The following PHKG1 variants were observed in gnomAD, a reference collection of about 807,000 sequenced individuals.
PHKG1 encodes the protein phosphorylase b kinase gamma catalytic chain, skeletal muscle/heart isoform.
In PHKG1, 48 loss-of-function variants were observed where a neutral mutation model predicts 50.5. The ratio of observed to expected loss-of-function variants is 0.95; its 90% CI spans 0.75 to 1.21. PHKG1 has a LOEUF of 1.21. PHKG1 is among the 50% of genes most tolerant of loss of function. The probability of loss-of-function intolerance (pLI) is 0.00; values close to 1 mark genes in which losing one functional copy is unlikely to be tolerated. For missense variants in PHKG1, 487 were observed against 519.5 expected, an observed-to-expected ratio of 0.94 and a Z score of 0.61; for synonymous variants, 204 against 212.8, an observed-to-expected ratio of 0.96 and a Z score of 0.36.
At chr7:56,085,672 A>C (rs1796220677) in intron 4 of PHKG1, among the ~76,000 whole-genome samples, 1 of 152,124 alleles carries the variant, frequency 6.6e-6, no homozygotes, top group Non-Finnish European at 1.5e-5. Flanking sequence ...GATCTTTTCA[A>C]AAGGAAGTCA....
rs1796321465 is a variant in PHKG1 at position 56,087,716 on chromosome 7, C to T, written c.144G>A (p.Val48=). Residue 48 remains valine, a synonymous_variant, in exon 3 of 10, where the codon GTG becomes GTA. Transcript: ENST00000297373. The part of the protein sequence containing the change: ...IHKPTSQEYA[V]KVIDVTGGGS... Reference sequence around the variant, plus strand: ...CTCCACCGGTGACGTCGATGACCTTCACGGCGTACTCCTGGCTCGTGGGCT... The same window carrying T: ...CTCCACCGGTGACGTCGATGACCTTTACGGCGTACTCCTGGCTCGTGGGCT... The T allele has an allele frequency of 6.2e-7, 1 of 1,613,896 alleles. No homozygotes were observed. Among genetic ancestry groups the T allele is most frequent in the Non-Finnish European group, 8.5e-7 (1 of 1,180,032 alleles).
In PHKG1 at chr7:56,080,709, G is replaced by T. The variant is rs1197381655; in HGVS notation, c.*345C>A. The T allele has an allele frequency of 9.2e-6, 3 of 325,314 alleles. 1 individual carries two copies. The highest frequency in any genetic ancestry group is 1.7e-5 in the Non-Finnish European group (3 of 172,380). The allele number at this position is 325,314 out of a possible 1,614,324, so 20.2% of individuals were successfully genotyped here. A position where few individuals can be genotyped will look rare whatever the true frequency, so the allele number is the denominator to read the frequency against. On this transcript the variant is annotated 3_prime_UTR_variant, in exon 10 of 10. Transcript: ENST00000297373. ...TTGATCCTCACCCTGTGACCCTAAG[G>T]GAAGAAAGCCTGAGTGTCAGTAACT... is the stretch of plus-strand genomic sequence containing the variant.
rs1237731420 is a variant in PHKG1, at chr7:56,080,876, C to T, written c.*178G>A. 1.7e-5 allele frequency: 12 copies of T among 714,028 alleles called. No homozygotes were observed. Among genetic ancestry groups the T allele is most frequent in the Non-Finnish European group, 2.5e-5 (11 of 440,648 alleles). The allele number at this position is 714,028 out of a possible 1,614,324, so 44.2% of individuals were successfully genotyped here. The stretch of plus-strand genomic sequence containing the variant: ...TGCAGGTATTGCTGTGTGGTGGGAA[C>T]ACCCACTTCCCTTGTGCACAGCCTT... On this transcript the variant is annotated 3_prime_UTR_variant, in exon 10 of 10. Transcript: ENST00000297373.
chr7:56,086,093 C>T (rs1172220886), intron 4 of PHKG1, among the ~76,000 whole-genome samples: 3 of 151,590 alleles, frequency 2.0e-5, no homozygotes, highest in Middle Eastern at 3.2e-3. Flanking sequence ...GACCTTACAT[C>T]CTGCCACCCT....
Position 56,083,653 on chromosome 7 carries a change from G to C in PHKG1, c.380C>G (p.Thr127Ser). The stretch of plus-strand genomic sequence containing the variant: ...AGAAGGGCAAAGGGACCCTCACCTG[G>C]TTTCCTTCTCACTCAAGGTGACCTT... ...TEKVTLSEKE[T>S]RKIMRALLEV... The change falls in exon 5 of 10, where the codon ACC becomes AGC. Residue 127 changes from threonine (T) to serine (S), a missense_variant. Physicochemically the swap from Thr to Ser is moderately conservative, Grantham distance 58 (BLOSUM62 1). Transcript: ENST00000297373. The C allele has an allele frequency of 6.3e-7, 1 of 1,581,508 alleles. No homozygotes were observed. The highest frequency in any genetic ancestry group is 8.6e-7 in the Non-Finnish European group (1 of 1,160,696).
At chr7:56,092,618 G>A (rs1054010932) in intron 1 of PHKG1, among the ~76,000 whole-genome samples, 1 of 152,074 alleles carries the variant, frequency 6.6e-6, no homozygotes, top group African/African-American at 2.4e-5. Context: ...TGAACTCTGA[G>A]TCCAAAAACC....
At chr7:56,082,683 C>A (rs1719456810) in intron 6 of PHKG1, among the ~76,000 whole-genome samples, 1 of 152,132 alleles carries the variant, frequency 6.6e-6, no homozygotes, top group Admixed American at 6.5e-5. Flanking sequence ...CCACCAACTT[C>A]AGGGCCCAGG....
At position 56,087,488 on chromosome 7, in the gene PHKG1, G is replaced by A. The variant is rs905781320; in HGVS notation, c.262+110C>T. On this transcript the variant is annotated intron_variant, in intron 3 of 9. Coordinates refer to ENST00000297373, the MANE Select transcript of PHKG1 (RefSeq NM_006213.5). ...GTGAGGGTGGAGCTGGGAGCCTTGA[G>A]CCTGGGTGGTTCTAGTTGGCTGTGC... 2.3e-5 allele frequency: 24 copies of A among 1,032,660 alleles called. No individual in the cohort carries two copies. The East Asian group carries it at 4.5e-4, about 19-fold the overall frequency. The allele number at this position is 1,032,660 out of a possible 1,614,324, so 64.0% of individuals were successfully genotyped here. A position where few individuals can be genotyped will look rare whatever the true frequency, so the allele number is the denominator to read the frequency against.
Position 56,088,949 on chromosome 7 carries a change from TCTTCAGTGAGGGAA to T in PHKG1, c.-22_-9del. ...TGCCTCGTCCCGGGTCATGCTCAGA[TCTTCAGTGAGGGAA>T]CTCTGGGTGGCTCTGAGAGGGGAAA... is the stretch of plus-strand genomic sequence containing the variant. On this transcript the variant is annotated 5_prime_UTR_variant, in exon 2 of 10. It removes the in-frame stop codon of an upstream open reading frame in the 5' UTR. Transcript: ENST00000297373. 1 of 1,605,512 alleles carries T rather than the reference TCTTCAGTGAGGGAA, an allele frequency of 6.2e-7. No homozygotes were observed. The highest frequency in any genetic ancestry group is 8.5e-7 in the Non-Finnish European group (1 of 1,172,622).
In PHKG1 at chr7:56,081,222, G is replaced by T. The variant is rs368804267; in HGVS notation, c.996C>A (p.Ile332=). The change falls in exon 10 of 10, where the codon ATC becomes ATA. Residue 332 remains isoleucine (I), a synonymous_variant. Transcript: ENST00000297373. The surrounding 1 kb of genome is among the most constrained non-coding windows in gnomAD (Gnocchi z 4.6). ...YRRVKPVTRE[I]VIRDPYALRP... The stretch of plus-strand genomic sequence containing the variant: ...GGAGGGCATAGGGGTCTCGGATGAC[G>T]ATCTCCCGGGTCACAGGCTTCACCC... 5 of 1,613,628 alleles carry T rather than the reference G, an allele frequency of 3.1e-6. No homozygotes were observed. The highest frequency in any genetic ancestry group is 4.2e-6 in the Non-Finnish European group (5 of 1,179,966).
chr7:56,080,837 G>C lies in PHKG1; in HGVS notation c.*217C>G. On this transcript the variant is annotated 3_prime_UTR_variant, in exon 10 of 10. Transcript: ENST00000297373. Reference sequence around the variant, plus strand: ...CCACGTGTGATCTCTGCCCACCCAGGGCCTGCCCCAGCCTGCAGGTATTGC... The same window carrying C: ...CCACGTGTGATCTCTGCCCACCCAGCGCCTGCCCCAGCCTGCAGGTATTGC... 1.7e-6 allele frequency: 1 copy of C among 602,122 alleles called. No individual in the cohort carries two copies. The highest frequency in any genetic ancestry group is 2.0e-5 in the South Asian group (1 of 49,918). 37.3% of individuals were successfully genotyped at this position (602,122 alleles called of 1,614,324 possible).
At chr7:56,083,590 A>G in intron 5 of PHKG1, 60 bp downstream of exon 5, 1 of 1,507,952 alleles carries the variant, frequency 6.6e-7, no homozygotes, top group Non-Finnish European at 9.1e-7. Context: ...CTGAGACCCC[A>G]GTGCCTGTGG....
Position 56,081,721 on chromosome 7 carries a change from C to A in PHKG1, c.827G>T (p.Arg276Leu), listed in dbSNP as rs751430603. Residue 276 changes from arginine (R) to leucine (L), a missense_variant, in exon 9 of 10, where the codon CGC becomes CTC. By Grantham distance (102) the Arg-to-Leu change is moderately radical. Transcript: ENST00000297373. This position sits in a 1 kb window ranked among gnomAD's most constrained non-coding sequence, Gnocchi z 4.6. ...SRFLVVQPQNRYTAEEALAHP... is the reference protein window; with the variant it reads ...SRFLVVQPQNLYTAEEALAHP... ...TGCCAAGGCCTCTTCCGCTGTGTAG[C>A]GGTTCTGGGGTTGCACCACCAGGAA... The A allele has an allele frequency of 5.0e-6, 8 of 1,613,932 alleles. No individual in the cohort carries two copies. Among genetic ancestry groups the A allele is most frequent in the Non-Finnish European group, 6.8e-6 (8 of 1,179,926 alleles).
Position 56,081,325 on chromosome 7 carries a change from G to C in PHKG1, c.919-26C>G. Reference sequence around the variant, plus strand: ...CTGCAGGGCCAGGCGGAGAAGCTGGGCTGCAGCCCCCGCCCTGCCAGGCCC... The same window carrying C: ...CTGCAGGGCCAGGCGGAGAAGCTGGCCTGCAGCCCCCGCCCTGCCAGGCCC... On this transcript the variant is annotated intron_variant, in intron 9 of 9. Coordinates refer to ENST00000297373, the MANE Select transcript of PHKG1 (RefSeq NM_006213.5). This position sits in a 1 kb window ranked among gnomAD's most constrained non-coding sequence, Gnocchi z 4.6. 6.3e-7 allele frequency: 1 copy of C among 1,587,040 alleles called. No homozygotes were observed. Among genetic ancestry groups the C allele is most frequent in the Non-Finnish European group, 8.5e-7 (1 of 1,172,678 alleles).
At chr7:56,089,804 G>A (rs374727530) in intron 1 of PHKG1, among the ~76,000 whole-genome samples, 1 of 151,812 alleles carries the variant, frequency 6.6e-6, no homozygotes, top group East Asian at 2.0e-4. Context: ...GATTAAAGGC[G>A]TGAAACACCA....
chr7:56,082,053 A>G lies in PHKG1; in HGVS notation c.639-7T>C, dbSNP rs1796026800. Reference sequence around the variant, plus strand: ...GATGACGCCAGTGCTCCACCTGGACATGCGAGGGCCCAGGGCCACTTACCC... The same window carrying G: ...GATGACGCCAGTGCTCCACCTGGACGTGCGAGGGCCCAGGGCCACTTACCC... On this transcript the variant is annotated splice_region_variant and splice_polypyrimidine_tract_variant and intron_variant, in intron 7 of 9. Coordinates refer to ENST00000297373, the MANE Select transcript of PHKG1 (RefSeq NM_006213.5). 6.2e-7 allele frequency: 1 copy of G among 1,611,582 alleles called. No homozygotes were observed. The highest frequency in any genetic ancestry group is 1.1e-5 in the South Asian group (1 of 91,042).
chr7:56,083,405 G>C lies in PHKG1; in HGVS notation c.420C>G (p.Thr140=). ...GGTGCACGATGTTGAGTTTGTGCAA[G>C]GTGCAGATCACCTCCAGCAGAGCTC... ...IMRALLEVIC[T]LHKLNIVHRD... The change falls in exon 6 of 10, where the codon ACC becomes ACG. Residue 140 remains threonine (T), a synonymous_variant. Transcript: ENST00000297373. 6.2e-7 allele frequency: 1 copy of C among 1,614,194 alleles called. No individual in the cohort carries two copies. Among genetic ancestry groups the C allele is most frequent in the East Asian group, 2.2e-5 (1 of 44,874 alleles).
chr7:56,081,515 G>T lies in PHKG1; in HGVS notation c.918+115C>A. 7.5e-7 allele frequency: 1 copy of T among 1,330,410 alleles called. No individual in the cohort carries two copies. 82.4% of individuals were successfully genotyped at this position (1,330,410 alleles called of 1,614,324 possible). On this transcript the variant is annotated intron_variant, in intron 9 of 9. Coordinates refer to ENST00000297373, the MANE Select transcript of PHKG1 (RefSeq NM_006213.5). The surrounding 1 kb of genome is among the most constrained non-coding windows in gnomAD (Gnocchi z 4.6). Reference sequence around the variant, plus strand: ...TTTGAAGCCATCACAGGGCAGCTGGGAGGGGAGGGATGGGTACTCTGGAAA... The same window carrying T: ...TTTGAAGCCATCACAGGGCAGCTGGTAGGGGAGGGATGGGTACTCTGGAAA...
chr7:56,088,769 T>C, intron 2 of PHKG1, 90 bp downstream of exon 2: 1 of 809,888 alleles, frequency 1.2e-6, no homozygotes, highest in South Asian at 1.5e-5. Flanking sequence ...GAAAGTGGCG[T>C]TAGTACTCGG....
Sources: gnomAD v4.1 joint callset for allele counts (sites outside exome capture counted in the v4.1 genomes callset) on GRCh38, gnomAD v4.1.1 for gene constraint, Gnocchi (gnomAD v3.1) non-coding constraint, MANE v1.5 for transcripts, NCBI Gene and HGNC (gene_info 2026-07-23, HGNC 2026-07-21) for gene names.